The following DYNC1I1 variants were observed in gnomAD, a reference collection of about 807,000 sequenced individuals.
DYNC1I1 encodes the protein dynein cytoplasmic 1 intermediate chain 1.
DYNC1I1 carries 43 observed loss-of-function variants against 86.6 expected under a neutral mutation model. The ratio of observed to expected loss-of-function variants is 0.50; its 90% CI spans 0.39 to 0.64. The LOEUF (loss-of-function observed/expected upper bound fraction) is 0.64, where lower values mean the gene tolerates loss of function less well. DYNC1I1 is among the 30% of genes least tolerant of loss of function. The pLI, the probability that DYNC1I1 is intolerant of heterozygous loss-of-function variation, is 0.00. For synonymous variants in DYNC1I1, 262 were observed against 283.7 expected, an observed-to-expected ratio of 0.92 and a Z score of 0.77; for missense variants, 604 against 788.8, an observed-to-expected ratio of 0.77 and a Z score of 2.81.
At chr7:96,106,145 T>G (rs758180000) in intron 16 of DYNC1I1, among the ~76,000 whole-genome samples, 1 of 152,234 alleles carries the variant, frequency 6.6e-6, no homozygotes, top group Non-Finnish European at 1.5e-5. Context: ...CTTTCCACTT[T>G]GGGCTTAATT....
intron 6 of DYNC1I1, among the ~76,000 whole-genome samples, chr7:95,893,717 G>C (rs985743355): frequency 4.6e-5 from 7 of 152,140 alleles, no homozygotes; most frequent in Admixed American, 6.5e-5. Context: ...AAATACTGAG[G>C]AATAATGCAG....
intron 5 of DYNC1I1, among the ~76,000 whole-genome samples, chr7:95,854,976 C>T (rs1789681054): frequency 6.6e-6 from 1 of 152,136 alleles, no homozygotes; most frequent in African/African-American, 2.4e-5. Flanking sequence ...ATTTACACAT[C>T]CCGATAGGTT....
At chr7:96,042,471 G>A (rs1789078760) in intron 14 of DYNC1I1, among the ~76,000 whole-genome samples, 1 of 152,066 alleles carries the variant, frequency 6.6e-6, no homozygotes, top group Non-Finnish European at 1.5e-5. Context: ...AGGAAACCAG[G>A]GATCCCAGAA....
intron 10 of DYNC1I1, among the ~76,000 whole-genome samples, chr7:96,001,137 C>T (rs1337627869): frequency 6.6e-6 from 1 of 152,192 alleles, no homozygotes; most frequent in East Asian, 1.9e-4. Flanking sequence ...AAATGCCCTT[C>T]CCTTCTCTCC....
In DYNC1I1 at chr7:95,851,362, G is replaced by A. The variant is rs77166715; in HGVS notation, c.375-18521G>A. On this transcript the variant is annotated intron_variant, in intron 5 of 16. Transcript: ENST00000447467. ...CCCAGGCAGGGTGAAGTGGGACAGC[G>A]CAAGATTTTATCATGCTATTCAGAA... Among the ~76,000 whole-genome samples, 579 of 152,036 alleles carry A rather than the reference G, an allele frequency of 3.8e-3. 4 individuals are homozygous for A. Among genetic ancestry groups the A allele is most frequent in the African/African-American group, 0.013 (550 of 41,462 alleles).
chr7:95,827,938 T>G, intron 4 of DYNC1I1, 119 bp from the exon 5 acceptor site: 1 of 875,056 alleles, frequency 1.1e-6, no homozygotes, highest in Non-Finnish European at 1.8e-6. Context: ...AAGGGGGACA[T>G]GTTCTGTGTA....
intron 6 of DYNC1I1, among the ~76,000 whole-genome samples, chr7:95,945,053 AAATAAAAAAAT>A (rs1792359296): frequency 6.6e-6 from 1 of 151,732 alleles, no homozygotes; most frequent in Non-Finnish European, 1.5e-5. Flanking sequence ...ATAAACATAA[AAATAAAAAAAT>A]AATAAAAAAA....
intron 5 of DYNC1I1, among the ~76,000 whole-genome samples, chr7:95,829,783 G>A (rs1243872487): frequency 7.6e-6 from 1 of 132,152 alleles, no homozygotes; most frequent in Admixed American, 7.8e-5. Context: ...AGTGAACCCA[G>A]TGTGTTGGAG....
At chr7:96,103,614 A>T (rs999149822) in intron 16 of DYNC1I1, among the ~76,000 whole-genome samples, 5 of 143,294 alleles carry the variant, frequency 3.5e-5, no homozygotes, top group Middle Eastern at 7.6e-3. Context: ...CTCTATATGG[A>T]TTTTTTTTTT....
At chr7:95,925,450 G>A (rs1487639435) in intron 6 of DYNC1I1, among the ~76,000 whole-genome samples, 2 of 152,096 alleles carry the variant, frequency 1.3e-5, no homozygotes, top group Non-Finnish European at 2.9e-5. Context: ...GCTTAGTAAT[G>A]GACTAATACA....
rs777044908 is a variant in DYNC1I1, at chr7:95,976,635, C to T, written c.491-877C>T. On this transcript the variant is annotated intron_variant, in intron 6 of 16. Transcript: ENST00000447467. ...TCAACTCTCTTTGAACCAATGAAAT[C>T]AATAACCTACATGGAGTACAATACC... Among the ~76,000 whole-genome samples, 29 of 152,258 alleles carry T rather than the reference C, an allele frequency of 1.9e-4. No individual in the cohort carries two copies. The South Asian group carries it at 2.5e-3, about 13-fold the overall frequency.
rs114229383 is a variant in DYNC1I1, at chr7:96,012,287, G to A, written c.970-15888G>A. 3.0e-3 allele frequency among the ~76,000 whole-genome samples: 463 copies of A among 152,274 alleles called. 2 individuals carry two copies. Among genetic ancestry groups the A allele is most frequent in the African/African-American group, 0.011 (437 of 41,554 alleles). ...GGGTTGCAAATAACAGCAGAGTTTG[G>A]GTTTTTGCTAGTAGGTCTACAGTAT... On this transcript the variant is annotated intron_variant, in intron 10 of 16. Coordinates refer to ENST00000447467, the MANE Select transcript of DYNC1I1 (RefSeq NM_001135556.2).
intron 6 of DYNC1I1, among the ~76,000 whole-genome samples, chr7:95,949,095 G>A (rs566059033): frequency 8.5e-5 from 13 of 152,234 alleles, no homozygotes; most frequent in Middle Eastern, 3.4e-3. Flanking sequence ...AGGGGATGGC[G>A]ATGATGATGA....
At chr7:96,030,459 G>C (rs545534930) in intron 11 of DYNC1I1, among the ~76,000 whole-genome samples, 1 of 151,136 alleles carries the variant, frequency 6.6e-6, no homozygotes, top group Non-Finnish European at 1.5e-5. Context: ...ACTCATGGAA[G>C]CACAGGCCAG....
chr7:95,998,937 C>G (rs981679451), intron 10 of DYNC1I1, among the ~76,000 whole-genome samples: 31 of 152,324 alleles, frequency 2.0e-4, no homozygotes, highest in African/African-American at 7.0e-4. Flanking sequence ...TTTCATTTCT[C>G]TCTGTTATGG....
At chr7:96,055,562 G>A (rs10229316) in intron 14 of DYNC1I1, among the ~76,000 whole-genome samples, 34,979 of 151,626 alleles carry the variant, frequency 0.23, 4,199 homozygotes, top group East Asian at 0.33. Context: ...CTTCTAATGG[G>A]CAAATCCTAC....
chr7:95,917,531 C>T (rs1791501112), intron 6 of DYNC1I1, among the ~76,000 whole-genome samples: 2 of 152,146 alleles, frequency 1.3e-5, no homozygotes, highest in Admixed American at 6.5e-5. Context: ...CTGGAACCCC[C>T]ACCACTTATA....
chr7:95,848,449 A>G (rs1183666015), intron 5 of DYNC1I1, among the ~76,000 whole-genome samples: 2 of 152,022 alleles, frequency 1.3e-5, no homozygotes, highest in African/African-American at 2.4e-5. Flanking sequence ...TATGACATGA[A>G]CTTTTTAAGA....
At chr7:95,946,761 G>A (rs1792413385) in intron 6 of DYNC1I1, among the ~76,000 whole-genome samples, 1 of 152,138 alleles carries the variant, frequency 6.6e-6, no homozygotes, top group South Asian at 2.1e-4. Context: ...AGTGAACAAG[G>A]TACAGTCCCT....
Sources: allele counts gnomAD v4.1 joint callset (sites outside exome capture counted in the v4.1 genomes callset), GRCh38; gene constraint gnomAD v4.1.1; transcripts MANE v1.5; gene names NCBI Gene and HGNC (gene_info 2026-07-23, HGNC 2026-07-21).